Variants in ARHGEF10 observed in about 807,000 individuals in gnomAD.
ARHGEF10 encodes the protein Rho guanine nucleotide exchange factor (GEF) 10.
ARHGEF10 carries 140 observed loss-of-function variants against 147.4 expected under a neutral mutation model. The observed-to-expected ratio is 0.95, with a 90% CI of 0.83 to 1.09. The LOEUF is 1.09. Ranked by LOEUF, ARHGEF10 falls within the 50% of genes least tolerant of loss-of-function variation. The pLI is 0.00. For synonymous variants in ARHGEF10, 902 were observed against 695.8 expected, an observed-to-expected ratio of 1.30 and a Z score of -4.67; for missense variants, 2,222 against 1,752.7, an observed-to-expected ratio of 1.27 and a Z score of -4.78.
rs1810820305 is a variant in ARHGEF10, at chr8:1,905,578, G to A, written c.1829G>A (p.Ser610Asn). The change falls in exon 17 of 29, where the codon AGC becomes AAC. Residue 610 changes from serine to asparagine, a missense_variant. Coordinates refer to ENST00000349830, the MANE Select transcript of ARHGEF10 (RefSeq NM_014629.4). ...INERYLNKLLSSGSRYLIRSD... is the reference protein window; with the variant it reads ...INERYLNKLLNSGSRYLIRSD... ...TGTGTTTTGAATGTCCAGCTTCTCAGCAGTGGAAGCCGATACCTCATTCGA... is the reference window on the plus strand; with the variant it reads ...TGTGTTTTGAATGTCCAGCTTCTCAACAGTGGAAGCCGATACCTCATTCGA... 1.2e-6 allele frequency: 2 copies of A among 1,614,160 alleles called. No homozygotes were observed. The highest frequency in any genetic ancestry group is 1.7e-6 in the Non-Finnish European group (2 of 1,180,036).
At chr8:1,913,512 T>C (rs1811529527) in intron 18 of ARHGEF10, among the ~76,000 whole-genome samples, 1 of 152,250 alleles carries the variant, frequency 6.6e-6, no homozygotes, top group Non-Finnish European at 1.5e-5. Context: ...GTAAAAAGCA[T>C]CTGTGTTCCT....
In ARHGEF10 at chr8:1,922,974, C is replaced by T; in HGVS notation, c.2154C>T (p.Tyr718=). The T allele has an allele frequency of 1.9e-6, 3 of 1,611,670 alleles. No individual in the cohort carries two copies. The highest frequency in any genetic ancestry group is 2.2e-5 in the East Asian group (1 of 44,808). The change falls in exon 19 of 29, where the codon TAC becomes TAT. Residue 718 remains tyrosine (Y), a synonymous_variant. Transcript: ENST00000349830. The part of the protein sequence containing the change: ...VVANAKPNKV[Y]MGPGQLYQDL... ...TTGCTTATTTTGTAGACAAAGTTTA[C>T]ATGGGGCCAGGACAACTGTATCAAG...
intron 14 of ARHGEF10, among the ~76,000 whole-genome samples, chr8:1,897,455 C>G (rs1043411841): frequency 2.0e-5 from 3 of 149,870 alleles, no homozygotes; most frequent in Non-Finnish European, 4.4e-5. Context: ...CCACTCTCGA[C>G]AGTTGTGGGC....
chr8:1,933,258 A>G (rs993765264), intron 25 of ARHGEF10, among the ~76,000 whole-genome samples: 3 of 152,198 alleles, frequency 2.0e-5, no homozygotes, highest in Non-Finnish European at 4.4e-5. Flanking sequence ...AGCAAGGCAC[A>G]TGTTAGAACG....
intron 4 of ARHGEF10, among the ~76,000 whole-genome samples, chr8:1,862,178 G>C (rs1347535142): frequency 1.3e-5 from 2 of 152,226 alleles, no homozygotes; most frequent in African/African-American, 4.8e-5. Context: ...CACACTTCCT[G>C]CCTGGTGGCA....
intron 18 of ARHGEF10, 27 bp from the exon 19 acceptor site, chr8:1,922,937 T>C (rs747410346): frequency 1.3e-6 from 2 of 1,509,680 alleles, no homozygotes; most frequent in Non-Finnish European, 1.8e-6. Flanking sequence ...TTTGTATTCT[T>C]TTTTTTTCTT....
At chr8:1,888,217 G>T (rs1361291446) in intron 11 of ARHGEF10, among the ~76,000 whole-genome samples, 3 of 69,420 alleles carry the variant, frequency 4.3e-5, no homozygotes, top group African/African-American at 1.4e-4. Flanking sequence ...GTGGGGCGAG[G>T]GTTGCGAGGA....
At chr8:1,945,301 A>G (rs1563324153) in intron 26 of ARHGEF10, among the ~76,000 whole-genome samples, 180 bp from the exon 27 acceptor site, 2 of 152,202 alleles carry the variant, frequency 1.3e-5, no homozygotes, top group Non-Finnish European at 1.5e-5. Flanking sequence ...GGATGATTGG[A>G]AAATGGCAGG....
chr8:1,860,274 C>T, intron 4 of ARHGEF10, 90 bp downstream of exon 4: 1 of 1,533,610 alleles, frequency 6.5e-7, no homozygotes, highest in Non-Finnish European at 8.9e-7. Flanking sequence ...CCCTCCTCTG[C>T]ATGCCCCGGA....
At chr8:1,956,112 G>T (rs572112089) in intron 28 of ARHGEF10, among the ~76,000 whole-genome samples, 3 of 152,210 alleles carry the variant, frequency 2.0e-5, no homozygotes, top group African/African-American at 7.2e-5. Flanking sequence ...CAGAAGACAC[G>T]CCAGGTCCAC....
At chr8:1,839,526 A>G (rs1223566956) in intron 1 of ARHGEF10, among the ~76,000 whole-genome samples, 133 of 36,756 alleles carry the variant, frequency 3.6e-3, no homozygotes, top group Admixed American at 4.3e-3. Context: ...AAGCTGTCCG[A>G]TATGGGGACT....
intron 18 of ARHGEF10, among the ~76,000 whole-genome samples, chr8:1,919,868 T>C (rs866642117): frequency 8.9e-5 from 13 of 146,624 alleles, no homozygotes; most frequent in African/African-American, 3.1e-4. Flanking sequence ...ATGATGGAGC[T>C]GCTCTGTGGG....
Position 1,866,533 on chromosome 8 carries a change from C to A in ARHGEF10, c.553C>A (p.Gln185Lys). 1 of 1,611,572 alleles carries A rather than the reference C, an allele frequency of 6.2e-7. No individual in the cohort carries two copies. Among genetic ancestry groups the A allele is most frequent in the Non-Finnish European group, 8.5e-7 (1 of 1,179,986 alleles). The change falls in exon 6 of 29, where the codon CAA becomes AAA. Residue 185 changes from glutamine (Q) to lysine (K), a missense_variant. Coordinates refer to ENST00000349830, the MANE Select transcript of ARHGEF10 (RefSeq NM_014629.4). ...TGGTTTGTTTTCTTTAAGTGAAGAT[C>A]AAGTCGGTCGAGAGGACAGCGCACT... ...SSEEPPTSED[Q>K]VGREDSALAR... is the part of the protein sequence containing the mutation.
At chr8:1,904,779 G>A (rs927557870) in intron 16 of ARHGEF10, among the ~76,000 whole-genome samples, 3 of 152,214 alleles carry the variant, frequency 2.0e-5, no homozygotes, top group South Asian at 2.1e-4. Flanking sequence ...TCAAAAGACA[G>A]CACAGACCAC....
At chr8:1,909,153 A>C in intron 17 of ARHGEF10, 142 bp from the exon 18 acceptor site, 1 of 1,225,968 alleles carries the variant, frequency 8.2e-7, no homozygotes, top group Admixed American at 1.7e-5. Context: ...AGAAAGTCAG[A>C]AGCACAATTA....
chr8:1,840,949 C>G (rs753210066), intron 1 of ARHGEF10, among the ~76,000 whole-genome samples: 1 of 152,176 alleles, frequency 6.6e-6, no homozygotes, highest in Non-Finnish European at 1.5e-5. Context: ...AGAAAGCTCA[C>G]CTGCAAGGGC....
At chr8:1,867,203 T>C (rs552975879) in intron 6 of ARHGEF10, among the ~76,000 whole-genome samples, 2 of 152,322 alleles carry the variant, frequency 1.3e-5, no homozygotes, top group South Asian at 2.1e-4. Flanking sequence ...ATAAGTTCTG[T>C]AGCGTATTTT....
intron 19 of ARHGEF10, 71 bp from the exon 20 acceptor site, chr8:1,923,397 C>T: frequency 2.5e-6 from 4 of 1,599,756 alleles, no homozygotes; most frequent in Non-Finnish European, 2.6e-6. Flanking sequence ...AAAATTGTGT[C>T]TTTTTATCTT....
At position 1,958,623 on chromosome 8, in the gene ARHGEF10, A is replaced by G. The variant is rs1194350635; in HGVS notation, c.*1360A>G. The G allele has an allele frequency of 3.7e-5, 5 of 136,900 alleles. No homozygotes were observed. Among genetic ancestry groups the G allele is most frequent in the Non-Finnish European group, 6.1e-5 (4 of 65,868 alleles). The allele number at this position is 136,900 out of a possible 1,614,324, so 8.5% of individuals were successfully genotyped here. ...TGCTGTCTGACTTCATCAATAAAGT[A>G]TTTTTATTTTAAAATGCAGTAGGAT... On this transcript the variant is annotated 3_prime_UTR_variant, in exon 29 of 29. Transcript: ENST00000349830.
Sources: gnomAD v4.1 joint callset for allele counts (sites outside exome capture counted in the v4.1 genomes callset) on GRCh38, gnomAD v4.1.1 for gene constraint, MANE v1.5 for transcripts, NCBI Gene and HGNC (gene_info 2026-07-23, HGNC 2026-07-21) for gene names.